The following SLC12A9 variants were observed in gnomAD, a reference collection of about 807,000 sequenced individuals.
SLC12A9 encodes CCC-interacting protein 1.
Under a neutral mutation model 66.0 loss-of-function variants are expected in SLC12A9, and 55 were observed. The observed-to-expected ratio is 0.83, with a 90% CI of 0.67 to 1.04. SLC12A9 has a LOEUF of 1.04. SLC12A9 is among the 50% of genes least tolerant of loss of function. SLC12A9 has a pLI of 0.00. For synonymous variants in SLC12A9, 577 were observed against 569.0 expected (o/e 1.01, Z -0.20); for missense variants, 1,061 against 1,241.9 (o/e 0.85, Z 2.19).
intron 13 of SLC12A9, chr7:100,865,205 G>C (rs1411902471): frequency 1.3e-6 from 2 of 1,490,340 alleles, no homozygotes; most frequent in African/African-American, 2.8e-5. Flanking sequence ...TGATCAACGT[G>C]CCTCAGCTTC....
At chr7:100,856,817 G>T in intron 4 of SLC12A9, 51 bp from the exon 5 acceptor site, 1 of 1,507,692 alleles carries the variant, frequency 6.6e-7, no homozygotes, top group Non-Finnish European at 8.9e-7. Flanking sequence ...TGCCCGGCTG[G>T]TGGGGTGCCT....
At position 100,866,086 on chromosome 7, in the gene SLC12A9, T is replaced by C. The variant is rs748908179; in HGVS notation, c.2226T>C (p.Asp742=). ...LRPRGGPGYV[D]VCGLFLLQMA... is the part of the protein sequence containing the mutation. ...CCCGGGGTGGGCCCGGCTATGTGGA[T>C]GTCTGCGGCCTCTTCCTGCTGCAGA... is the stretch of plus-strand genomic sequence containing the variant. Residue 742 remains aspartate, a synonymous_variant, in exon 14 of 14, where the codon GAT becomes GAC. Transcript: ENST00000354161. The surrounding 1 kb of genome is among the most constrained non-coding windows in gnomAD (Gnocchi z 7.3). 7.4e-6 allele frequency: 12 copies of C among 1,612,940 alleles called. No homozygotes were observed. Among genetic ancestry groups the C allele is most frequent in the Non-Finnish European group, 1.0e-5 (12 of 1,179,852 alleles).
chr7:100,852,261 G>A (rs1398054175), upstream of SLC12A9, among the ~76,000 whole-genome samples: 1 of 152,218 alleles, frequency 6.6e-6, no homozygotes, highest in East Asian at 1.9e-4. Flanking sequence ...GAGGATCCCC[G>A]CAGCGGGTGA....
chr7:100,862,123 G>A (rs1162459156), intron 12 of SLC12A9, among the ~76,000 whole-genome samples: 4 of 151,760 alleles, frequency 2.6e-5, no homozygotes, highest in African/African-American at 9.7e-5. Context: ...TGCCTGGCTA[G>A]TTTTTGTATT....
chr7:100,863,246 G>T (rs180870654), intron 13 of SLC12A9, among the ~76,000 whole-genome samples: 1 of 151,944 alleles, frequency 6.6e-6, no homozygotes, highest in Non-Finnish European at 1.5e-5. Context: ...TGTATTTTTA[G>T]TAGAGATGGG....
At chr7:100,842,307 C>T (rs1004045098) in intron 1 of SLC12A9, among the ~76,000 whole-genome samples, 4 of 152,086 alleles carry the variant, frequency 2.6e-5, no homozygotes, top group Non-Finnish European at 4.4e-5. Flanking sequence ...TTAACATAAC[C>T]AAGTCAATTT....
At chr7:100,854,419 G>C in intron 2 of SLC12A9, 41 bp downstream of exon 2, 1 of 1,601,424 alleles carries the variant, frequency 6.2e-7, no homozygotes. Flanking sequence ...ACTATAGTAT[G>C]GGAGGACATG....
chr7:100,855,920 A>G, intron 4 of SLC12A9, 83 bp downstream of exon 4: 1 of 1,505,810 alleles, frequency 6.6e-7, no homozygotes, highest in South Asian at 1.3e-5. Flanking sequence ...GGTCCTCTCC[A>G]GCAGAGGGGC....
At position 100,854,477 on chromosome 7, in the gene SLC12A9, C is replaced by T. The variant is rs1198650296; in HGVS notation, c.181+99C>T. 1.9e-6 allele frequency: 3 copies of T among 1,588,086 alleles called. No homozygotes were observed. The African/African-American group carries it at 4.1e-5, about 22-fold the overall frequency. The stretch of plus-strand genomic sequence containing the variant: ...CTGGGATAAGATTAGGAAGGGGACC[C>T]AAGAGAAGCGGTTGGCTGAAGGGTT... On this transcript the variant is annotated intron_variant, in intron 2 of 13. Coordinates refer to ENST00000354161, the MANE Select transcript of SLC12A9 (RefSeq NM_020246.4).
intron 5 of SLC12A9, 87 bp downstream of exon 5, chr7:100,857,263 A>C: frequency 7.2e-7 from 1 of 1,393,890 alleles, no homozygotes; most frequent in Non-Finnish European, 9.8e-7. Context: ...GGATGAGCAC[A>C]GGTGTCAGAG....
At chr7:100,851,705 T>C, upstream of SLC12A9, among the ~76,000 whole-genome samples, 1 of 143,642 alleles carries the variant, frequency 7.0e-6, no homozygotes, top group East Asian at 2.2e-4. Flanking sequence ...GGCAGGAGGA[T>C]GCTTGAGCCG....
At chr7:100,827,505 G>A (rs1007766582) in intron 1 of SLC12A9, 8 of 151,794 alleles carry the variant, frequency 5.3e-5, no homozygotes, top group South Asian at 1.8e-4. Context: ...CCGGGCAGGG[G>A]CTGAGCTGCG....
chr7:100,862,577 T>C (rs1584707231), intron 12 of SLC12A9, 104 bp from the exon 13 acceptor site: 1 of 1,378,244 alleles, frequency 7.3e-7, no homozygotes, highest in East Asian at 2.3e-5. Flanking sequence ...CCATGACCCC[T>C]CCAAGTAGCC....
intron 1 of SLC12A9, among the ~76,000 whole-genome samples, chr7:100,838,540 C>T (rs1813714395): frequency 6.6e-6 from 1 of 152,084 alleles, no homozygotes; most frequent in Admixed American, 6.5e-5. Flanking sequence ...TATTTTGAGA[C>T]AGAGTCTCAC....
In SLC12A9 at chr7:100,861,572, G is replaced by A; in HGVS notation, c.1524G>A (p.Leu508=). The part of the protein sequence containing the change: ...PSSWGYVSQA[L]LFHQVRKYLL... ...GCTGGGGCTATGTCAGCCAGGCCTT[G>A]CTTTTCCACCAGGTATGGGGAGCTG... Residue 508 remains leucine (L), a synonymous_variant, in exon 11 of 14, where the codon TTG becomes TTA. Coordinates refer to ENST00000354161, the MANE Select transcript of SLC12A9 (RefSeq NM_020246.4). This position sits in a 1 kb window ranked among gnomAD's most constrained non-coding sequence, Gnocchi z 5.3. 6.2e-7 allele frequency: 1 copy of A among 1,613,382 alleles called. No individual in the cohort carries two copies. The highest frequency in any genetic ancestry group is 2.2e-5 in the East Asian group (1 of 44,876).
intron 1 of SLC12A9, among the ~76,000 whole-genome samples, chr7:100,842,266 T>C (rs1813805545): frequency 6.6e-6 from 1 of 152,250 alleles, no homozygotes; most frequent in African/African-American, 2.4e-5. Flanking sequence ...CTCTTTCTTC[T>C]TTCCTCATTC....
rs776210470 is a variant in SLC12A9 at position 100,854,245 on chromosome 7, G to A, written c.48G>A (p.Glu16=). ...SPLLAYRLLG[E]EGVALPANGA... is the part of the protein sequence containing the mutation. Reference sequence around the variant, plus strand: ...TGCTGGCCTACCGGCTCCTGGGGGAGGAGGGGGTTGCCCTCCCTGCCAATG... The same window carrying A: ...TGCTGGCCTACCGGCTCCTGGGGGAAGAGGGGGTTGCCCTCCCTGCCAATG... Residue 16 remains glutamate, a synonymous_variant, in exon 2 of 14, where the codon GAG becomes GAA. Transcript: ENST00000354161. The A allele has an allele frequency of 3.6e-5, 57 of 1,578,864 alleles. No homozygotes were observed. In the Middle Eastern group the frequency reaches 6.7e-4, roughly 19 times the overall value.
intron 1 of SLC12A9, among the ~76,000 whole-genome samples, chr7:100,845,018 A>G (rs1478918878): frequency 1.3e-5 from 2 of 151,998 alleles, no homozygotes; most frequent in Admixed American, 6.6e-5. Flanking sequence ...ATTGGTACCT[A>G]CATACCCAGT....
In SLC12A9 at chr7:100,866,183, C is replaced by T. The variant is rs946342859; in HGVS notation, c.2323C>T (p.Arg775Trp). 5.6e-6 allele frequency: 9 copies of T among 1,609,554 alleles called. No homozygotes were observed. Among genetic ancestry groups the T allele is most frequent in the Non-Finnish European group, 5.9e-6 (7 of 1,178,394 alleles). ...CCGGATCTTCCTGTGCCTGGGGCCT[C>T]GGGAGGCGCCTGGGGCGGCCGAGGG... is the stretch of plus-strand genomic sequence containing the variant. ...RLRIFLCLGP[R>W]EAPGAAEGRL... Residue 775 changes from arginine (R) to tryptophan (W), a missense_variant, in exon 14 of 14, where the codon CGG (arginine) becomes TGG (tryptophan). Physicochemically the swap from Arg to Trp is moderately radical, Grantham distance 101 (BLOSUM62 -3). Coordinates refer to ENST00000354161, the MANE Select transcript of SLC12A9 (RefSeq NM_020246.4). This position sits in a 1 kb window ranked among gnomAD's most constrained non-coding sequence, Gnocchi z 7.3.
Sources: allele counts gnomAD v4.1 joint callset (sites outside exome capture counted in the v4.1 genomes callset), GRCh38; gene constraint gnomAD v4.1.1; non-coding constraint Gnocchi (gnomAD v3.1); transcripts MANE v1.5; gene names NCBI Gene and HGNC (gene_info 2026-07-23, HGNC 2026-07-21).